CACNA1B: variants seen among roughly 807,000 people sequenced by gnomAD.
CACNA1B encodes calcium voltage-gated channel subunit alpha1 B, also known as voltage-dependent N-type calcium channel subunit alpha-1B.
A neutral mutation model predicts 247.2 loss-of-function variants in CACNA1B; 70 were observed. The ratio of observed to expected loss-of-function variants is 0.28; its 90% CI spans 0.23 to 0.35. CACNA1B has a LOEUF of 0.35. Among genes scored for constraint, CACNA1B ranks in the 10% least tolerant of loss-of-function variants. The pLI, the probability that CACNA1B is intolerant of heterozygous loss-of-function variation, is 1.00. For missense variants in CACNA1B, 2,367 were observed against 3,197.4 expected (o/e 0.74, Z 6.26); for synonymous variants, 1,231 against 1,294.4 (o/e 0.95, Z 1.05).
In CACNA1B at chr9:137,954,879, T is replaced by TGAGA. The variant is rs1173163661; in HGVS notation, c.1071-799_1071-796dup. ...GCTTGTGTGTGTGTGTGTGTGTGTG[T>TGAGA]GAGAGAGAGAGAGAGAGAGAGAGGG... On this transcript the variant is annotated intron_variant, in intron 7 of 46. Transcript: ENST00000371372. The surrounding 1 kb of genome is among the most constrained non-coding windows in gnomAD (Gnocchi z 4.1). Among the ~76,000 whole-genome samples the TGAGA allele has an allele frequency of 8.9e-5, 13 of 145,276 alleles. No individual in the cohort carries two copies. The highest frequency in any genetic ancestry group is 4.4e-4 in the South Asian group (2 of 4,514).
chr9:138,068,586 A>T, intron 31 of CACNA1B: 1 of 518,748 alleles, frequency 1.9e-6, no homozygotes. Context: ...TGCATTGCTG[A>T]TTCCTAAGGG....
chr9:138,070,889 T>C (rs1960107653), intron 32 of CACNA1B, among the ~76,000 whole-genome samples: 1 of 152,182 alleles, frequency 6.6e-6, no homozygotes, highest in Non-Finnish European at 1.5e-5. Context: ...CACAGAGCAG[T>C]TTTTCTGCAC....
At chr9:137,903,105 C>T (rs918719353) in intron 3 of CACNA1B, among the ~76,000 whole-genome samples, 7 of 152,196 alleles carry the variant, frequency 4.6e-5, no homozygotes, top group African/African-American at 1.7e-4. Context: ...TTAAAAAACT[C>T]TTCACCGGTG....
chr9:138,092,412 G>A (rs1012605545), intron 36 of CACNA1B, among the ~76,000 whole-genome samples: 13 of 152,126 alleles, frequency 8.5e-5, no homozygotes, highest in South Asian at 2.1e-4. Flanking sequence ...TCTCCTATTC[G>A]CTTTCTGCAA....
chr9:137,898,221 T>C (rs1195497859), intron 3 of CACNA1B, among the ~76,000 whole-genome samples: 2 of 152,226 alleles, frequency 1.3e-5, no homozygotes, highest in Non-Finnish European at 2.9e-5. Context: ...AAAGGTATTA[T>C]GTTTCTCTGA....
At chr9:138,063,144 G>A (rs1331943349) in intron 31 of CACNA1B, among the ~76,000 whole-genome samples, 2 of 152,208 alleles carry the variant, frequency 1.3e-5, no homozygotes, top group Non-Finnish European at 2.9e-5. Flanking sequence ...TCTGAAGAAT[G>A]TCTTGGCAGG....
intron 6 of CACNA1B, among the ~76,000 whole-genome samples, chr9:137,948,681 G>GTGGTGTGCATGTGTGTGTGTC (rs1957827151): frequency 6.6e-6 from 1 of 151,680 alleles, no homozygotes; most frequent in Non-Finnish European, 1.5e-5. Context: ...TCTGGTGTGT[G>GTGGTGTGCATGTGTGTGTGTC]TGGTGTGCAT....
At position 138,122,451 on chromosome 9, in the gene CACNA1B, AGG is replaced by A. The variant is rs894908730; in HGVS notation, c.*456_*457del. ...AGACCTCGGGACGGAGGGGATGGGG[AGG>A]GGGACACAGTCGTGGCTTGTGCAGC... On this transcript the variant is annotated 3_prime_UTR_variant, in exon 47 of 47. Coordinates refer to ENST00000371372, the MANE Select transcript of CACNA1B (RefSeq NM_000718.4). 5.8e-6 allele frequency: 1 copy of A among 172,674 alleles called. No homozygotes were observed. The highest frequency in any genetic ancestry group is 5.6e-5 in the Admixed American group (1 of 17,756). The allele number at this position is 172,674 out of a possible 1,614,324, so 10.7% of individuals were successfully genotyped here.
intron 37 of CACNA1B, among the ~76,000 whole-genome samples, chr9:138,097,873 G>T (rs1961107751): frequency 6.6e-6 from 1 of 152,304 alleles, no homozygotes; most frequent in South Asian, 2.1e-4. Context: ...CAAAAGGCCT[G>T]GGAGCCCGAC....
chr9:138,040,190 T>C (rs1959099908), intron 20 of CACNA1B, among the ~76,000 whole-genome samples: 1 of 152,088 alleles, frequency 6.6e-6, no homozygotes. Flanking sequence ...CCACCTGCCT[T>C]GGCCTCCAAA....
At position 138,121,166 on chromosome 9, in the gene CACNA1B, C is replaced by T. The variant is rs555118183; in HGVS notation, c.6489+285C>T. 6.6e-6 allele frequency among the ~76,000 whole-genome samples: 1 copy of T among 152,274 alleles called. No individual in the cohort carries two copies. The highest frequency in any genetic ancestry group is 2.4e-5 in the African/African-American group (1 of 41,548). On this transcript the variant is annotated intron_variant, in intron 46 of 46. Transcript: ENST00000371372. This position sits in a 1 kb window ranked among gnomAD's most constrained non-coding sequence, Gnocchi z 6.8. Reference sequence around the variant, plus strand: ...CCCAAATACTTACCTCTCTCTCGGTCACTTAACTCTCCTTCCCTGACTGTG... The same window carrying T: ...CCCAAATACTTACCTCTCTCTCGGTTACTTAACTCTCCTTCCCTGACTGTG...
In CACNA1B at chr9:138,013,236, G is replaced by A. The variant is rs199896184; in HGVS notation, c.2267+1G>A. 1.3e-6 allele frequency: 2 copies of A among 1,585,970 alleles called. No individual in the cohort carries two copies. The highest frequency in any genetic ancestry group is 1.7e-6 in the Non-Finnish European group (2 of 1,166,394). On this transcript the variant is annotated splice_donor_variant, in intron 18 of 46. Transcript: ENST00000371372. LOFTEE classifies it high-confidence loss of function. The stretch of plus-strand genomic sequence containing the variant: ...CTGCCGCGAACATCTCCATCGCCGC[G>A]TAAGGCTCCTAGGAGTGGATTGTGG...
intron 3 of CACNA1B, among the ~76,000 whole-genome samples, chr9:137,902,135 G>C (rs1315993446): frequency 6.6e-6 from 1 of 152,162 alleles, no homozygotes; most frequent in African/African-American, 2.4e-5. Flanking sequence ...GTTTGAGCAT[G>C]TTCACACATT....
chr9:137,912,922 G>A lies in CACNA1B; in HGVS notation c.531-258G>A, dbSNP rs79788151. 8.0e-3 allele frequency among the ~76,000 whole-genome samples: 1,215 copies of A among 152,272 alleles called. 15 individuals are homozygous for A. Among genetic ancestry groups the A allele is most frequent in the African/African-American group, 0.028 (1,168 of 41,528 alleles). ...GCCTTTGAACTGGAGGTTTGGTCAT[G>A]TGGGTGATTGTGAACATTCCTGTGA... is the stretch of plus-strand genomic sequence containing the variant. On this transcript the variant is annotated intron_variant, in intron 3 of 46. Coordinates refer to ENST00000371372, the MANE Select transcript of CACNA1B (RefSeq NM_000718.4).
At chr9:138,047,953 C>T (rs984084927) in intron 23 of CACNA1B, among the ~76,000 whole-genome samples, 2 of 152,160 alleles carry the variant, frequency 1.3e-5, no homozygotes, top group African/African-American at 2.4e-5. Flanking sequence ...ACACGAGGTC[C>T]CCCATATCAC....
chr9:138,115,473 C>T, intron 41 of CACNA1B, 79 bp from the exon 42 acceptor site: 1 of 1,468,538 alleles, frequency 6.8e-7, no homozygotes. Flanking sequence ...TTGCCCCATG[C>T]CACATGGTCA....
chr9:137,955,084 G>C lies in CACNA1B; in HGVS notation c.1071-614G>C. 6.6e-6 allele frequency among the ~76,000 whole-genome samples: 1 copy of C among 152,018 alleles called. No homozygotes were observed. Among genetic ancestry groups the C allele is most frequent in the Non-Finnish European group, 1.5e-5 (1 of 68,010 alleles). The stretch of plus-strand genomic sequence containing the variant: ...GAGATGTCGGGGGCCAATGACAGAA[G>C]GTCTCCTCTCCTGCTCACTGTGAGC... On this transcript the variant is annotated intron_variant, in intron 7 of 46. Coordinates refer to ENST00000371372, the MANE Select transcript of CACNA1B (RefSeq NM_000718.4). This position sits in a 1 kb window ranked among gnomAD's most constrained non-coding sequence, Gnocchi z 6.9.
In CACNA1B at chr9:138,054,438, A is replaced by G. The variant is rs1394662905; in HGVS notation, c.3968+432A>G. ...CTTCCTGTGCCCAGCGCTGCCTCCA[A>G]AGTAGACAGGAGAGGGGCCCTTGGG... On this transcript the variant is annotated intron_variant, in intron 26 of 46. Coordinates refer to ENST00000371372, the MANE Select transcript of CACNA1B (RefSeq NM_000718.4). This position sits in a 1 kb window ranked among gnomAD's most constrained non-coding sequence, Gnocchi z 4.6. Among the ~76,000 whole-genome samples the G allele has an allele frequency of 1.3e-5, 2 of 152,166 alleles. No individual in the cohort carries two copies. Among genetic ancestry groups the G allele is most frequent in the African/African-American group, 2.4e-5 (1 of 41,440 alleles).
At position 138,122,891 on chromosome 9, in the gene CACNA1B, C is replaced by T. The variant is rs3750509; in HGVS notation, c.*892C>T. ...GAGGCGAGGCCTCGGGATCCATCAC[C>T]GCAGGATGCTGTGAAAAGTACTCGC... On this transcript the variant is annotated 3_prime_UTR_variant, in exon 47 of 47. Coordinates refer to ENST00000371372, the MANE Select transcript of CACNA1B (RefSeq NM_000718.4). 56,432 of 152,096 alleles carry T rather than the reference C, an allele frequency of 0.37. 12,787 individuals are homozygous for T. Among genetic ancestry groups the T allele is most frequent in the Admixed American group, 0.48 (7,380 of 15,282 alleles). 9.4% of individuals were successfully genotyped at this position (152,096 alleles called of 1,614,324 possible).
Sources: allele counts gnomAD v4.1 joint callset (sites outside exome capture counted in the v4.1 genomes callset), GRCh38; gene constraint gnomAD v4.1.1; non-coding constraint Gnocchi (gnomAD v3.1); transcripts MANE v1.5; gene names NCBI Gene and HGNC (gene_info 2026-07-23, HGNC 2026-07-21).